The following ULK4 variants were observed in gnomAD, a reference collection of about 807,000 sequenced individuals.
The protein encoded by ULK4 is unc-51 like kinase 4.
Under a neutral mutation model 160.6 loss-of-function variants are expected in ULK4, and 133 were observed. The ratio of observed to expected loss-of-function variants is 0.83; its 90% CI spans 0.72 to 0.96. The LOEUF (loss-of-function observed/expected upper bound fraction) is 0.96, where lower values mean the gene tolerates loss of function less well. Ranked by LOEUF, ULK4 falls within the 40% of genes least tolerant of loss-of-function variation. ULK4 has a pLI of 0.00. For synonymous variants in ULK4, 534 were observed against 539.8 expected (o/e 0.99, Z 0.15); for missense variants, 1,580 against 1,499.5 (o/e 1.05, Z -0.89).
chr3:41,281,240 C>T (rs1234916663), intron 35 of ULK4, among the ~76,000 whole-genome samples: 1 of 152,192 alleles, frequency 6.6e-6, no homozygotes, highest in Non-Finnish European at 1.5e-5. Flanking sequence ...GGAGCTGGTA[C>T]CATTCCTTCT....
intron 6 of ULK4, among the ~76,000 whole-genome samples, chr3:41,919,301 A>G (rs969663473): frequency 6.6e-6 from 1 of 152,194 alleles, no homozygotes; most frequent in African/African-American, 2.4e-5. Context: ...ATAAAAATTT[A>G]TAAGGTCACA....
At chr3:41,500,579 A>T (rs976754042) in intron 32 of ULK4, among the ~76,000 whole-genome samples, 3 of 152,138 alleles carry the variant, frequency 2.0e-5, no homozygotes, top group Admixed American at 6.5e-5. Flanking sequence ...TTCTGGCCCA[A>T]TCCCCTGGAT....
chr3:41,496,323 CA>C (rs2084988027), intron 32 of ULK4, among the ~76,000 whole-genome samples: 2 of 152,030 alleles, frequency 1.3e-5, no homozygotes, highest in African/African-American at 4.8e-5. Context: ...CTATCATAAA[CA>C]TTAAGCCTAG....
chr3:41,770,617 C>A (rs550877971), intron 21 of ULK4, among the ~76,000 whole-genome samples: 103 of 150,834 alleles, frequency 6.8e-4, no homozygotes, highest in African/African-American at 2.5e-3. Context: ...TTCAAGTGAT[C>A]CTCCTGCCTC....
At chr3:41,590,995 A>G (rs1290882715) in intron 31 of ULK4, among the ~76,000 whole-genome samples, 1 of 152,082 alleles carries the variant, frequency 6.6e-6, no homozygotes, top group East Asian at 1.9e-4. Flanking sequence ...CAGATGGATA[A>G]ACATTCACAA....
At chr3:41,566,177 A>G in intron 31 of ULK4, 47 bp from the exon 32 acceptor site, 1 of 1,498,478 alleles carries the variant, frequency 6.7e-7, no homozygotes, top group South Asian at 1.2e-5. Context: ...AAATACAATT[A>G]CATCATCGTA....
chr3:41,851,506 G>A (rs896672764), intron 17 of ULK4, among the ~76,000 whole-genome samples: 175 of 152,216 alleles, frequency 1.1e-3, no homozygotes, highest in African/African-American at 3.9e-3. Context: ...TTTTTGCATC[G>A]ATGTTCATCA....
chr3:41,450,291 C>G (rs369192375), intron 34 of ULK4, among the ~76,000 whole-genome samples: 1 of 152,126 alleles, frequency 6.6e-6, no homozygotes, highest in East Asian at 1.9e-4. Flanking sequence ...TGGTTACCAA[C>G]TGAGGGTTTG....
chr3:41,336,076 G>A (rs528823993), intron 35 of ULK4, among the ~76,000 whole-genome samples: 9 of 152,222 alleles, frequency 5.9e-5, no homozygotes, highest in Non-Finnish European at 1.0e-4. Flanking sequence ...ATGAAGAACC[G>A]TCCTTGACCT....
chr3:41,737,210 T>C (rs2038084506), intron 22 of ULK4, among the ~76,000 whole-genome samples: 2 of 151,930 alleles, frequency 1.3e-5, no homozygotes, highest in Non-Finnish European at 2.9e-5. Flanking sequence ...AGCATTCTTA[T>C]ACACCAATAA....
chr3:41,789,555 T>C, intron 21 of ULK4, 106 bp downstream of exon 21: 2 of 1,150,824 alleles, frequency 1.7e-6, no homozygotes, highest in Non-Finnish European at 2.4e-6. Context: ...AAAGGCCTCT[T>C]GGGATAAAAA....
intron 29 of ULK4, among the ~76,000 whole-genome samples, chr3:41,664,670 A>C (rs961579588): frequency 3.3e-5 from 5 of 152,134 alleles, no homozygotes; most frequent in African/African-American, 1.2e-4. Flanking sequence ...AACTGGGTAC[A>C]TTGCACTCTG....
intron 32 of ULK4, among the ~76,000 whole-genome samples, chr3:41,528,934 G>A (rs1306809387): frequency 6.6e-6 from 1 of 152,170 alleles, no homozygotes; most frequent in African/African-American, 2.4e-5. Context: ...CGTGACACAT[G>A]TCTGCCTATG....
chr3:41,275,018 G>A (rs1440787648), intron 35 of ULK4, among the ~76,000 whole-genome samples: 1 of 152,246 alleles, frequency 6.6e-6, no homozygotes, highest in Non-Finnish European at 1.5e-5. Flanking sequence ...AACTGGCTCA[G>A]AGGCTAACAT....
intron 34 of ULK4, among the ~76,000 whole-genome samples, chr3:41,425,709 C>CT (rs1258894705): frequency 3.9e-5 from 6 of 152,090 alleles, no homozygotes; most frequent in Non-Finnish European, 7.4e-5. Flanking sequence ...AAGTAAAATC[C>CT]TTTTCAGACA....
At chr3:41,497,307 T>C (rs538521272) in intron 32 of ULK4, among the ~76,000 whole-genome samples, 37 of 152,152 alleles carry the variant, frequency 2.4e-4, no homozygotes, top group African/African-American at 3.6e-4. Context: ...AATAGATCTA[T>C]AGAAATTGCT....
intron 35 of ULK4, among the ~76,000 whole-genome samples, chr3:41,253,143 T>C (rs2078770615): frequency 6.6e-6 from 1 of 152,028 alleles, no homozygotes; most frequent in Non-Finnish European, 1.5e-5. Flanking sequence ...AGAGCTGCTA[T>C]AAAAAATTTA....
chr3:41,730,464 A>C (rs2037786216), intron 22 of ULK4, among the ~76,000 whole-genome samples: 1 of 152,196 alleles, frequency 6.6e-6, no homozygotes, highest in Non-Finnish European at 1.5e-5. Flanking sequence ...CACAGACTAA[A>C]AAGAATCATA....
intron 30 of ULK4, among the ~76,000 whole-genome samples, chr3:41,643,280 G>C (rs1317079806): frequency 2.0e-5 from 3 of 152,098 alleles, no homozygotes; most frequent in Non-Finnish European, 4.4e-5. Flanking sequence ...CCTATGTCCT[G>C]AATGGTAATG....
Sources: gnomAD v4.1 joint callset for allele counts (sites outside exome capture counted in the v4.1 genomes callset) on GRCh38, gnomAD v4.1.1 for gene constraint, MANE v1.5 for transcripts, NCBI Gene and HGNC (gene_info 2026-07-23, HGNC 2026-07-21) for gene names.